NTNG1: variants seen among roughly 807,000 people sequenced by gnomAD.
The protein encoded by NTNG1 is netrin-G1.
NTNG1 carries 16 observed loss-of-function variants against 54.0 expected under a neutral mutation model. That is an observed-to-expected ratio of 0.30 (90% CI 0.20 to 0.45). The LOEUF is 0.45. Among genes scored for constraint, NTNG1 ranks in the 20% least tolerant of loss-of-function variants. NTNG1 has a pLI of 1.00. For missense variants in NTNG1, 530 were observed against 678.7 expected, an observed-to-expected ratio of 0.78 and a Z score of 2.43; for synonymous variants, 255 against 263.1, an observed-to-expected ratio of 0.97 and a Z score of 0.30.
At chr1:107,257,385 A>AT (rs1485349881) in intron 2 of NTNG1, among the ~76,000 whole-genome samples, 1 of 152,170 alleles carries the variant, frequency 6.6e-6, no homozygotes, top group Non-Finnish European at 1.5e-5. Flanking sequence ...TTTATTTTGT[A>AT]TTTTAAGTAT....
In NTNG1 at chr1:107,480,751, G is replaced by A. The variant is rs1678647785; in HGVS notation, c.1531G>A (p.Asp511Asn). 1.9e-6 allele frequency: 3 copies of A among 1,607,978 alleles called. No individual in the cohort carries two copies. Among genetic ancestry groups the A allele is most frequent in the Non-Finnish European group, 2.5e-6 (3 of 1,178,626 alleles). Residue 511 changes from aspartate (D) to asparagine (N), a missense_variant, in exon 8 of 8, where the codon GAC becomes AAC. Asp to Asn is a conservative substitution (Grantham distance 23). This residue lies in a region of NTNG1 where 212 missense variants were observed against 213.6 expected (regional missense o/e 0.99). Transcript: ENST00000370068. ...RCEEAGSCGS[D>N]SGQGAPPHGS... ...CGAGGAGGCTGGCAGCTGCGGCTCC[G>A]ACTCTGGCCAGGGCGCGCCCCCGCA...
intron 2 of NTNG1, among the ~76,000 whole-genome samples, chr1:107,234,671 C>T (rs536614437): frequency 2.0e-5 from 3 of 152,288 alleles, no homozygotes; most frequent in African/African-American, 7.2e-5. Context: ...ATTTGAATTT[C>T]TCTTCTTCCC....
chr1:107,404,605 T>G (rs1324514952), intron 4 of NTNG1, among the ~76,000 whole-genome samples: 1 of 152,160 alleles, frequency 6.6e-6, no homozygotes, highest in Non-Finnish European at 1.5e-5. Flanking sequence ...GAGCAACTCT[T>G]ATGTCATCAG....
At chr1:107,456,051 AAC>A (rs1004348994) in intron 7 of NTNG1, among the ~76,000 whole-genome samples, 4 of 152,212 alleles carry the variant, frequency 2.6e-5, no homozygotes, top group African/African-American at 4.8e-5. Flanking sequence ...CCCAGGTCAT[AAC>A]ACAGTGTCCT....
chr1:107,159,351 G>A (rs1281037104), intron 2 of NTNG1, among the ~76,000 whole-genome samples: 4 of 152,176 alleles, frequency 2.6e-5, no homozygotes, highest in Non-Finnish European at 5.9e-5. Context: ...ATAGTGCCGA[G>A]CATGGTGTGA....
intron 2 of NTNG1, among the ~76,000 whole-genome samples, chr1:107,288,106 T>C (rs1665318138): frequency 6.6e-6 from 1 of 152,092 alleles, no homozygotes. Context: ...GCAAATATTA[T>C]TTAAAAGCCT....
intron 2 of NTNG1, among the ~76,000 whole-genome samples, chr1:107,279,052 A>G (rs1310174332): frequency 6.6e-6 from 1 of 152,182 alleles, no homozygotes; most frequent in African/African-American, 2.4e-5. Flanking sequence ...TACTATGACT[A>G]CATTGATGTT....
chr1:107,420,543 TGAG>T (rs1366034729), intron 5 of NTNG1, among the ~76,000 whole-genome samples: 1 of 151,992 alleles, frequency 6.6e-6, no homozygotes, highest in Non-Finnish European at 1.5e-5. Flanking sequence ...TAACAAATGC[TGAG>T]AAGGCTACAA....
intron 5 of NTNG1, among the ~76,000 whole-genome samples, chr1:107,414,262 T>C (rs1211649059): frequency 6.6e-6 from 1 of 152,142 alleles, no homozygotes; most frequent in African/African-American, 2.4e-5. Context: ...GAGTCCAATT[T>C]TTATAACCAA....
chr1:107,456,409 C>T (rs1462035539), intron 7 of NTNG1, among the ~76,000 whole-genome samples: 1 of 152,136 alleles, frequency 6.6e-6, no homozygotes, highest in East Asian at 1.9e-4. Flanking sequence ...ACAGCATGAG[C>T]AAGTTCTGTC....
chr1:107,225,686 G>A (rs1405318117), intron 2 of NTNG1, among the ~76,000 whole-genome samples: 4 of 152,256 alleles, frequency 2.6e-5, no homozygotes, highest in East Asian at 3.9e-4. Flanking sequence ...TTCTATGTGC[G>A]AATGTGGCGT....
At chr1:107,404,484 G>A (rs571482681) in intron 4 of NTNG1, among the ~76,000 whole-genome samples, 24 of 152,264 alleles carry the variant, frequency 1.6e-4, no homozygotes, top group African/African-American at 5.8e-4. Flanking sequence ...AGAAATCTCA[G>A]TGGAACACTT....
chr1:107,393,266 T>A (rs115478723), intron 3 of NTNG1, among the ~76,000 whole-genome samples: 1 of 152,274 alleles, frequency 6.6e-6, no homozygotes, highest in Non-Finnish European at 1.5e-5. Flanking sequence ...ACACCAGATA[T>A]GGTGCTAAAT....
At chr1:107,386,642 T>C (rs1406679562) in intron 3 of NTNG1, among the ~76,000 whole-genome samples, 1 of 152,222 alleles carries the variant, frequency 6.6e-6, no homozygotes, top group Non-Finnish European at 1.5e-5. Context: ...CATCAGTTGA[T>C]GGACATTGGG....
intron 2 of NTNG1, among the ~76,000 whole-genome samples, chr1:107,168,745 T>G (rs1655998276): frequency 6.6e-6 from 1 of 152,154 alleles, no homozygotes; most frequent in Admixed American, 6.6e-5. Context: ...ATTAGTCTCT[T>G]AACCATAAAG....
At chr1:107,373,977 C>T (rs1486359608) in intron 3 of NTNG1, among the ~76,000 whole-genome samples, 2 of 152,190 alleles carry the variant, frequency 1.3e-5, no homozygotes, top group Non-Finnish European at 1.5e-5. Context: ...ATTGGGATTA[C>T]ATGCATGAGC....
intron 2 of NTNG1, among the ~76,000 whole-genome samples, chr1:107,275,468 A>G (rs938829677): frequency 3.9e-5 from 6 of 152,184 alleles, no homozygotes; most frequent in Non-Finnish European, 8.8e-5. Context: ...AAGTCCCAAG[A>G]TCTGCAGTTG....
At chr1:107,477,416 T>C (rs1311949417) in intron 7 of NTNG1, among the ~76,000 whole-genome samples, 1 of 152,220 alleles carries the variant, frequency 6.6e-6, no homozygotes, top group Non-Finnish European at 1.5e-5. Flanking sequence ...TCCTACTTTC[T>C]CTGCTCCCTC....
At chr1:107,200,552 G>A (rs114203530) in intron 2 of NTNG1, among the ~76,000 whole-genome samples, 390 of 151,758 alleles carry the variant, frequency 2.6e-3, no homozygotes, top group African/African-American at 9.1e-3. Flanking sequence ...TCCCTTCTTG[G>A]CCAACCCTTT....
Sources: allele counts gnomAD v4.1 joint callset (sites outside exome capture counted in the v4.1 genomes callset), GRCh38; gene constraint gnomAD v4.1.1; regional missense constraint gnomAD v4.1.1; transcripts MANE v1.5; gene names NCBI Gene and HGNC (gene_info 2026-07-23, HGNC 2026-07-21).